TMEM130: variants seen among roughly 807,000 people sequenced by gnomAD.
TMEM130 encodes transmembrane protein 130.
Under a neutral mutation model 42.9 loss-of-function variants are expected in TMEM130, and 37 were observed. The ratio of observed to expected loss-of-function variants is 0.86; its 90% CI spans 0.66 to 1.13. The LOEUF (loss-of-function observed/expected upper bound fraction) is 1.13. Among genes scored for constraint, TMEM130 ranks in the 50% most tolerant of loss-of-function variants. The probability of loss-of-function intolerance (pLI) is 0.00; values close to 1 mark genes in which losing one functional copy is unlikely to be tolerated. For synonymous variants in TMEM130, 259 were observed against 237.7 expected (o/e 1.09, Z -0.82); for missense variants, 545 against 562.6 (o/e 0.97, Z 0.32).
Position 98,846,598 on chromosome 7 carries a change from G to C in TMEM130, c.*1458C>G, listed in dbSNP as rs1794359055. Reference sequence around the variant, plus strand: ...AATGCCATTTTCTGCACACAGCCTGGGAGCAGATGGTTACAGCGACAGAGC... The same window carrying C: ...AATGCCATTTTCTGCACACAGCCTGCGAGCAGATGGTTACAGCGACAGAGC... On this transcript the variant is annotated 3_prime_UTR_variant, in exon 8 of 8. Transcript: ENST00000339375. 1 of 152,288 alleles carries C rather than the reference G, an allele frequency of 6.6e-6. No homozygotes were observed. Among genetic ancestry groups the C allele is most frequent in the African/African-American group, 2.4e-5 (1 of 41,538 alleles). 9.4% of individuals were successfully genotyped at this position (152,288 alleles called of 1,614,324 possible). A position where few individuals can be genotyped will look rare whatever the true frequency, so the allele number is the denominator to read the frequency against.
intron 5 of TMEM130, 50 bp from the exon 6 acceptor site, chr7:98,851,673 C>T (rs1554398299): frequency 6.6e-6 from 10 of 1,505,132 alleles, no homozygotes; most frequent in Non-Finnish European, 8.9e-6. Context: ...CAAAGCATGT[C>T]AGCACAGACC....
chr7:98,850,267 A>ATT (rs1161479294), intron 6 of TMEM130, among the ~76,000 whole-genome samples: 898 of 28,666 alleles, frequency 0.031, 15 homozygotes, highest in Non-Finnish European at 0.048. Flanking sequence ...ATATATATAT[A>ATT]TATATATTTT....
chr7:98,860,480 A>T, intron 2 of TMEM130, 142 bp from the exon 3 acceptor site: 1 of 810,774 alleles, frequency 1.2e-6, no homozygotes, highest in Non-Finnish European at 1.9e-6. Context: ...GGGAGAGGGG[A>T]CACCCCCCTA....
chr7:98,860,851 G>T (rs1043907066), intron 2 of TMEM130, among the ~76,000 whole-genome samples: 1 of 150,742 alleles, frequency 6.6e-6, no homozygotes, highest in African/African-American at 2.5e-5. Context: ...GCTGAGGGAG[G>T]AGAATCGCTT....
In TMEM130 at chr7:98,869,843, A is replaced by T; in HGVS notation, c.19T>A (p.Ser7Thr). MAQAVW[S>T]RLGRILWLAC... ...AGCCAGAGGATGCGGCCGAGGCGCG[A>T]CCACACTGCCTGGGCCATTGCGGGG... Residue 7 changes from serine (S) to threonine (T), a missense_variant, in exon 1 of 8, where the codon TCG (serine) becomes ACG (threonine). Ser to Thr is a moderately conservative substitution (Grantham distance 58). Transcript: ENST00000339375. This position sits in a 1 kb window ranked among gnomAD's most constrained non-coding sequence, Gnocchi z 4.7. The T allele has an allele frequency of 6.9e-7, 1 of 1,443,804 alleles. No individual in the cohort carries two copies. Among genetic ancestry groups the T allele is most frequent in the Non-Finnish European group, 9.1e-7 (1 of 1,099,824 alleles). 89.4% of individuals were successfully genotyped at this position (1,443,804 alleles called of 1,614,324 possible).
intron 2 of TMEM130, among the ~76,000 whole-genome samples, chr7:98,862,412 G>A (rs1157026492): frequency 2.0e-5 from 3 of 150,458 alleles, no homozygotes; most frequent in Non-Finnish European, 4.4e-5. Context: ...GAAGGACAGA[G>A]AGAGACAGAA....
intron 3 of TMEM130, among the ~76,000 whole-genome samples, chr7:98,859,732 AT>A (rs1794714917): frequency 5.4e-5 from 8 of 149,504 alleles, no homozygotes; most frequent in African/African-American, 1.7e-4. Flanking sequence ...AAATAAATAA[AT>A]TAATTAATTA....
At chr7:98,857,877 A>G (rs1244177394) in intron 3 of TMEM130, among the ~76,000 whole-genome samples, 1 of 151,636 alleles carries the variant, frequency 6.6e-6, no homozygotes, top group African/African-American at 2.4e-5. Context: ...GGCGCACACC[A>G]CCATGCCTGG....
intron 3 of TMEM130, among the ~76,000 whole-genome samples, chr7:98,858,775 C>T (rs1185028039): frequency 6.6e-6 from 1 of 152,022 alleles, no homozygotes; most frequent in African/African-American, 2.4e-5. Flanking sequence ...GTGCTTGAGG[C>T]TGGGAGGTCA....
In TMEM130 at chr7:98,869,829, GC is replaced by G; in HGVS notation, c.32del (p.Arg11ProfsTer37). 1.4e-6 allele frequency: 2 copies of G among 1,446,894 alleles called. No individual in the cohort carries two copies. Among genetic ancestry groups the G allele is most frequent in the South Asian group, 1.4e-5 (1 of 72,540 alleles). The allele number at this position is 1,446,894 out of a possible 1,614,324, so 89.6% of individuals were successfully genotyped here. Reference protein sequence around the residue: MAQAVWSRLGRILWLACLLPW... With the variant: MAQAVWSRLGXILWLACLLPW... ...GCAGGAGGCAGGCAAGCCAGAGGAT[GC>G]GGCCGAGGCGCGACCACACTGCCTG... is the stretch of plus-strand genomic sequence containing the variant. On this transcript the variant is annotated frameshift_variant, in exon 1 of 8. Transcript: ENST00000339375. LOFTEE classifies it high-confidence loss of function. This position sits in a 1 kb window ranked among gnomAD's most constrained non-coding sequence, Gnocchi z 4.7.
chr7:98,867,287 G>A (rs1295263613), intron 1 of TMEM130, among the ~76,000 whole-genome samples: 1 of 152,000 alleles, frequency 6.6e-6, no homozygotes, highest in Non-Finnish European at 1.5e-5. Flanking sequence ...CCTGAAGCCC[G>A]CATGGGTCAC....
In TMEM130 at chr7:98,848,142, T is replaced by C. The variant is rs1222261013; in HGVS notation, c.1186A>G (p.Thr396Ala). ...ACAATTTCCAGGTACTCAGATGGAG[T>C]CTCCAGCAAGAAAGGCCCACAGCAC... ...QMCCGPFLLE[T>A]PSEYLEIVRE... The change falls in exon 8 of 8, where the codon ACT becomes GCT. Residue 396 changes from threonine to alanine, a missense_variant. Physicochemically the swap from Thr to Ala is moderately conservative, Grantham distance 58. Transcript: ENST00000339375. 4 of 1,612,990 alleles carry C rather than the reference T, an allele frequency of 2.5e-6. No homozygotes were observed. Among genetic ancestry groups the C allele is most frequent in the Non-Finnish European group, 3.4e-6 (4 of 1,179,802 alleles).
chr7:98,852,349 C>G (rs1466751609), intron 5 of TMEM130, among the ~76,000 whole-genome samples: 6 of 151,978 alleles, frequency 3.9e-5, no homozygotes, highest in Non-Finnish European at 1.5e-5. Flanking sequence ...AGGCTGGTCT[C>G]AAACTCCTGA....
chr7:98,860,840 G>A (rs948165025), intron 2 of TMEM130, among the ~76,000 whole-genome samples: 1 of 151,716 alleles, frequency 6.6e-6, no homozygotes, highest in East Asian at 1.9e-4. Context: ...CTATTTGGGA[G>A]GCTGAGGGAG....
intron 2 of TMEM130, 58 bp downstream of exon 2, chr7:98,863,037 A>T (rs893531142): frequency 1.3e-6 from 2 of 1,539,706 alleles, no homozygotes; most frequent in African/African-American, 2.7e-5. Flanking sequence ...GCGAAGCTTG[A>T]TGTTTTTCTC....
rs782515833 is a variant in TMEM130, at chr7:98,863,323, C to G, written c.163G>C (p.Ala55Pro). ...AGGGCCAGGCTGCCGTTGTCCTTGG[C>G]CACCAGGCTGGCCGAGATGGTCACC... ...AVVTISASLV[A>P]KDNGSLALPA... Residue 55 changes from alanine to proline, a missense_variant, in exon 2 of 8, where the codon GCC becomes CCC. Transcript: ENST00000339375. The G allele has an allele frequency of 1.9e-5, 30 of 1,612,084 alleles. No homozygotes were observed. In the South Asian group the frequency reaches 3.3e-4, roughly 18 times the overall value.
At chr7:98,857,565 T>A (rs953797857) in intron 3 of TMEM130, among the ~76,000 whole-genome samples, 9 of 151,956 alleles carry the variant, frequency 5.9e-5, no homozygotes, top group Admixed American at 2.0e-4. Context: ...CCAGTCGTAA[T>A]GTTACAGGCC....
intron 6 of TMEM130, among the ~76,000 whole-genome samples, chr7:98,851,000 G>T (rs1794487783): frequency 6.6e-6 from 1 of 152,190 alleles, no homozygotes; most frequent in African/African-American, 2.4e-5. Context: ...TGTGGGTAGG[G>T]TCGGGGTCAT....
intron 1 of TMEM130, among the ~76,000 whole-genome samples, chr7:98,864,865 A>G (rs1275265333): frequency 6.6e-6 from 1 of 152,194 alleles, no homozygotes; most frequent in African/African-American, 2.4e-5. Context: ...GAGCCACTGC[A>G]TTCCAGCCTG....
Sources: allele counts gnomAD v4.1 joint callset (sites outside exome capture counted in the v4.1 genomes callset), GRCh38; gene constraint gnomAD v4.1.1; non-coding constraint Gnocchi (gnomAD v3.1); transcripts MANE v1.5; gene names NCBI Gene and HGNC (gene_info 2026-07-23, HGNC 2026-07-21).